The following DAPK2 variants were observed in gnomAD, a reference collection of about 807,000 sequenced individuals.
DAPK2 encodes the protein death-associated protein kinase 2.
A neutral mutation model predicts 44.1 loss-of-function variants in DAPK2; 35 were observed. That is an observed-to-expected ratio of 0.79 (90% CI 0.61 to 1.05). The LOEUF is 1.05. Ranked by LOEUF, DAPK2 falls within the 50% of genes least tolerant of loss-of-function variation. DAPK2 has a pLI of 0.00. For synonymous variants in DAPK2, 174 were observed against 182.6 expected, an observed-to-expected ratio of 0.95 and a Z score of 0.38; for missense variants, 453 against 483.2, an observed-to-expected ratio of 0.94 and a Z score of 0.59.
At chr15:64,024,203 C>G (rs332278) in intron 1 of DAPK2, among the ~76,000 whole-genome samples, 125,432 of 152,160 alleles carry the variant, frequency 0.82, 52,009 homozygotes, top group East Asian at 0.92. Flanking sequence ...ATCAATTCAT[C>G]CTTCAACCAG....
intron 1 of DAPK2, among the ~76,000 whole-genome samples, chr15:63,989,313 T>C (rs1184891644): frequency 6.6e-6 from 1 of 151,146 alleles, no homozygotes; most frequent in East Asian, 2.0e-4. Context: ...GCTATGATCA[T>C]ACCACTGCAC....
At chr15:63,926,826 T>G (rs896138778) in intron 6 of DAPK2, among the ~76,000 whole-genome samples, 2 of 152,196 alleles carry the variant, frequency 1.3e-5, no homozygotes, top group Non-Finnish European at 2.9e-5. Context: ...TTCACAAATG[T>G]ACCCGAGCTA....
At chr15:63,924,423 G>A (rs563403532) in intron 8 of DAPK2, 101 of 167,898 alleles carry the variant, frequency 6.0e-4, no homozygotes, top group Non-Finnish European at 1.1e-3. Flanking sequence ...AAGGAAGGAG[G>A]CCTGGTCACA....
chr15:64,040,175 C>G, exon 1 of DAPK2: 1 of 1,613,732 alleles, frequency 6.2e-7, no homozygotes, highest in Non-Finnish European at 8.5e-7. Flanking sequence ...CCTACCTCCC[C>G]AGCTCCTCTC....
chr15:64,014,884 A>C (rs1315955331), intron 1 of DAPK2, among the ~76,000 whole-genome samples: 2 of 151,112 alleles, frequency 1.3e-5, no homozygotes, highest in African/African-American at 2.4e-5. Context: ...CGTGAAATAG[A>C]GCCACTTCAC....
chr15:63,971,516 T>G, exon 3 of DAPK2: 1 of 1,614,190 alleles, frequency 6.2e-7, no homozygotes, highest in Non-Finnish European at 8.5e-7. Flanking sequence ...CCTCACTCAG[T>G]GACTCCTTCT....
rs775344547 is a variant in DAPK2 at position 63,964,681 on chromosome 15, T to C, written c.453+6742A>G. On this transcript the variant is annotated intron_variant, in intron 3 of 10. Coordinates refer to ENST00000261891, the Ensembl canonical transcript of DAPK2. ...CTGTGTATTTTCGAATAGTCTATCT[T>C]CAAGCTCACTAATTCTTTCTTCTGC... is the stretch of plus-strand genomic sequence containing the variant. 9.9e-5 allele frequency among the ~76,000 whole-genome samples: 15 copies of C among 152,066 alleles called. No homozygotes were observed. The South Asian group carries it at 1.0e-3, about 11-fold the overall frequency.
rs368893784 is a variant in DAPK2 at position 63,939,206 on chromosome 15, G to A, written c.583+26C>T. ...TACCTTTGATGCCAGATTCTTAGCT[G>A]AAAGACAAACAGGCCTACAACTCAC... is the stretch of plus-strand genomic sequence containing the variant. On this transcript the variant is annotated intron_variant, in intron 4 of 10. Transcript: ENST00000261891. The surrounding 1 kb of genome is among the most constrained non-coding windows in gnomAD (Gnocchi z 4.3). 13 of 1,611,394 alleles carry A rather than the reference G, an allele frequency of 8.1e-6. No individual in the cohort carries two copies. The African/African-American group carries it at 1.7e-4, about 22-fold the overall frequency.
chr15:63,913,829 A>G (rs1183948485), intron 8 of DAPK2, among the ~76,000 whole-genome samples: 4 of 152,100 alleles, frequency 2.6e-5, no homozygotes, highest in Non-Finnish European at 5.9e-5. Context: ...ATTCCAGAAA[A>G]TCATGTCTCC....
intron 1 of DAPK2, among the ~76,000 whole-genome samples, chr15:64,019,108 C>G (rs1175827492): frequency 6.6e-6 from 1 of 152,202 alleles, no homozygotes; most frequent in African/African-American, 2.4e-5. Context: ...CCCAACATTC[C>G]AAATCCTGAA....
At chr15:63,962,665 A>C (rs530298244) in intron 3 of DAPK2, among the ~76,000 whole-genome samples, 1 of 152,360 alleles carries the variant, frequency 6.6e-6, no homozygotes, top group East Asian at 1.9e-4. Context: ...GCAGAACAGC[A>C]AATATTGCAG....
At position 63,912,073 on chromosome 15, in the gene DAPK2, CACCCTGTCCCCCGCCGCCCCA is replaced by C. The variant is rs1461199725; in HGVS notation, c.948+14_948+34del. 6.3e-7 allele frequency: 1 copy of C among 1,588,040 alleles called. No individual in the cohort carries two copies. The highest frequency in any genetic ancestry group is 8.6e-7 in the Non-Finnish European group (1 of 1,164,004). ...GAGCCAGAAACCCCGCCCTAGCCCC[CACCCTGTCCCCCGCCGCCCCA>C]ACCCTGGACACACCTTCCACCGCCT... is the stretch of plus-strand genomic sequence containing the variant. On this transcript the variant is annotated intron_variant, in intron 9 of 10. Transcript: ENST00000261891. The surrounding 1 kb of genome is among the most constrained non-coding windows in gnomAD (Gnocchi z 4.4).
chr15:64,028,979 C>T (rs1006301508), intron 1 of DAPK2, among the ~76,000 whole-genome samples: 1 of 152,106 alleles, frequency 6.6e-6, no homozygotes, highest in African/African-American at 2.4e-5. Context: ...TATATGAACT[C>T]TGGATATGTG....
intron 3 of DAPK2, among the ~76,000 whole-genome samples, chr15:63,952,866 A>G (rs902877877): frequency 6.6e-6 from 1 of 152,018 alleles, no homozygotes; most frequent in African/African-American, 2.4e-5. Flanking sequence ...GCTATACTCT[A>G]TTGTGCTATC....
rs576496614 is a variant in DAPK2 at position 63,912,798 on chromosome 15, GGTT to G, written c.859-604_859-602del. On this transcript the variant is annotated intron_variant, in intron 8 of 10. Transcript: ENST00000261891. This position sits in a 1 kb window ranked among gnomAD's most constrained non-coding sequence, Gnocchi z 4.4. The stretch of plus-strand genomic sequence containing the variant: ...TGGGGATAATAATATCATGTCACAG[GGTT>G]GTTAAGGATTATATGATCATGCATA... 3.3e-5 allele frequency among the ~76,000 whole-genome samples: 5 copies of G among 152,072 alleles called. No individual in the cohort carries two copies. The highest frequency in any genetic ancestry group is 5.9e-5 in the Non-Finnish European group (4 of 68,012).
intron 4 of DAPK2, chr15:63,936,034 T>C (rs1387844351): frequency 6.6e-6 from 1 of 152,264 alleles, no homozygotes; most frequent in African/African-American, 2.4e-5. Context: ...GTCTACCTTT[T>C]ATTTCTATGT....
intron 3 of DAPK2, among the ~76,000 whole-genome samples, chr15:63,964,890 T>C (rs998787303): frequency 6.6e-6 from 1 of 152,196 alleles, no homozygotes; most frequent in Non-Finnish European, 1.5e-5. Flanking sequence ...TCAAAACAGC[T>C]ATTCTAAATT....
rs1445962118 is a variant in DAPK2 at position 64,036,339 on chromosome 15, A to G, written c.92+3831T>C. 4.5e-5 allele frequency among the ~76,000 whole-genome samples: 5 copies of G among 112,188 alleles called. 1 individual carries two copies. In the South Asian group the frequency reaches 8.4e-4, roughly 19 times the overall value. 73.6% of individuals were successfully genotyped at this position (112,188 alleles called of 152,430 possible). ...TATATGTATATATATATATATATAC[A>G]TATATATATATATATTTTAGTTAAG... On this transcript the variant is annotated intron_variant, in intron 1 of 10. Coordinates refer to ENST00000261891, the Ensembl canonical transcript of DAPK2.
intron 1 of DAPK2, among the ~76,000 whole-genome samples, chr15:64,000,906 T>C (rs926621082): frequency 4.0e-5 from 6 of 151,714 alleles, no homozygotes; most frequent in Non-Finnish European, 7.4e-5. Context: ...TGAGATGGAG[T>C]CTCGCTCTTG....
Sources: gnomAD v4.1 joint callset for allele counts (sites outside exome capture counted in the v4.1 genomes callset) on GRCh38, gnomAD v4.1.1 for gene constraint, Gnocchi (gnomAD v3.1) non-coding constraint, MANE v1.5 for transcripts, NCBI Gene and HGNC (gene_info 2026-07-23, HGNC 2026-07-21) for gene names.